KCNMB2: variants seen among roughly 807,000 people sequenced by gnomAD.
The protein encoded by KCNMB2 is potassium calcium-activated channel subfamily M regulatory beta subunit 2, also known as calcium-activated potassium channel subunit beta-2.
Under a neutral mutation model 24.5 loss-of-function variants are expected in KCNMB2, and 9 were observed. The observed-to-expected ratio is 0.37, with a 90% CI of 0.22 to 0.64. The LOEUF is 0.64. Among genes scored for constraint, KCNMB2 ranks in the 30% least tolerant of loss-of-function variants. The probability of loss-of-function intolerance (pLI) is 0.63; values close to 1 mark genes in which losing one functional copy is unlikely to be tolerated. For missense variants in KCNMB2, 226 were observed against 284.3 expected (o/e 0.79, Z 1.47); for synonymous variants, 109 against 104.4 (o/e 1.04, Z -0.27).
intron 1 of KCNMB2, among the ~76,000 whole-genome samples, chr3:178,650,262 A>G (rs1286893868): frequency 6.6e-6 from 1 of 152,134 alleles, no homozygotes; most frequent in Non-Finnish European, 1.5e-5. Flanking sequence ...TTTGCTCCCA[A>G]TTATGTGGTC....
intron 1 of KCNMB2, among the ~76,000 whole-genome samples, chr3:178,735,871 T>C (rs1362646096): frequency 1.3e-5 from 2 of 152,258 alleles, no homozygotes; most frequent in East Asian, 1.9e-4. Context: ...TTGATGACAA[T>C]AGCACAGAGG....
intron 1 of KCNMB2, among the ~76,000 whole-genome samples, chr3:178,547,834 T>C (rs1421113304): frequency 6.6e-6 from 1 of 152,194 alleles, no homozygotes. Context: ...ATGTTGACAT[T>C]TCCCTGTGGC....
At chr3:178,653,962 T>A (rs73181184) in intron 1 of KCNMB2, among the ~76,000 whole-genome samples, 3,923 of 152,196 alleles carry the variant, frequency 0.026, 108 homozygotes, top group Middle Eastern at 0.095. Context: ...AACTCTTTCA[T>A]AAGATGAAAA....
At chr3:178,619,957 A>G (rs1718850060) in intron 1 of KCNMB2, among the ~76,000 whole-genome samples, 1 of 152,206 alleles carries the variant, frequency 6.6e-6, no homozygotes, top group Admixed American at 6.5e-5. Flanking sequence ...GACAAAAAGG[A>G]ACAATGATTA....
chr3:178,788,374 T>C (rs1188281806), intron 1 of KCNMB2, among the ~76,000 whole-genome samples: 2 of 152,158 alleles, frequency 1.3e-5, no homozygotes, highest in African/African-American at 2.4e-5. Flanking sequence ...CATGTAAAAA[T>C]GTGTTTTCCA....
intron 1 of KCNMB2, among the ~76,000 whole-genome samples, chr3:178,633,732 T>A (rs60974559): frequency 0.079 from 12,063 of 152,340 alleles, 568 homozygotes; most frequent in Middle Eastern, 0.21. Context: ...AGCATTTGGC[T>A]CCTTGTTACT....
intron 1 of KCNMB2, among the ~76,000 whole-genome samples, chr3:178,621,114 G>A (rs567402878): frequency 1.3e-5 from 2 of 152,150 alleles, no homozygotes; most frequent in Non-Finnish European, 2.9e-5. Flanking sequence ...GAAGACGCAA[G>A]AGAGTACAAA....
Position 178,578,828 on chromosome 3 carries a change from C to A in KCNMB2, c.-68+42117C>A, listed in dbSNP as rs190720894. On this transcript the variant is annotated intron_variant, in intron 1 of 4. Coordinates refer to ENST00000452583, the MANE Select transcript of KCNMB2 (RefSeq NM_181361.3). ...CAATGTAATGAGAAGAGCTAACTAT[C>A]CTAAATATATATGCACCCAATACAG... Among the ~76,000 whole-genome samples, 606 of 152,280 alleles carry A rather than the reference C, an allele frequency of 4.0e-3. 1 individual carries two copies. The highest frequency in any genetic ancestry group is 0.014 in the African/African-American group (565 of 41,560).
intron 1 of KCNMB2, among the ~76,000 whole-genome samples, chr3:178,546,251 G>A (rs1253053852): frequency 6.6e-6 from 1 of 152,112 alleles, no homozygotes; most frequent in African/African-American, 2.4e-5. Context: ...AGTCTTCTAG[G>A]TCTATTTCCC....
At chr3:178,691,105 G>GTATTTTTTTTTTTTTTTTTTTTTTTTTT (rs1310077931) in intron 1 of KCNMB2, among the ~76,000 whole-genome samples, 1 of 32,958 alleles carries the variant, frequency 3.0e-5, no homozygotes. Context: ...TCCCCATTAA[G>GTATTTTTTTTTTTTTTTTTTTTTTTTTT]TCTTTTTTTT....
At chr3:178,607,763 C>T (rs1718327964) in intron 1 of KCNMB2, among the ~76,000 whole-genome samples, 1 of 152,082 alleles carries the variant, frequency 6.6e-6, no homozygotes, top group African/African-American at 2.4e-5. Context: ...GGGTCAGCTA[C>T]TGAGTATCTA....
chr3:178,564,849 GAT>G (rs1716461144), intron 1 of KCNMB2, among the ~76,000 whole-genome samples: 1 of 152,090 alleles, frequency 6.6e-6, no homozygotes, highest in Non-Finnish European at 1.5e-5. Context: ...TGTGTGCAAA[GAT>G]ATTATGTGCA....
intron 1 of KCNMB2, among the ~76,000 whole-genome samples, chr3:178,786,903 T>C (rs1713124557): frequency 6.6e-6 from 1 of 151,862 alleles, no homozygotes; most frequent in African/African-American, 2.4e-5. Flanking sequence ...AGACAGATTA[T>C]AAGTCAAATA....
intron 4 of KCNMB2, among the ~76,000 whole-genome samples, chr3:178,829,395 G>C (rs1577220974): frequency 6.6e-6 from 1 of 152,076 alleles, no homozygotes; most frequent in African/African-American, 2.4e-5. Flanking sequence ...AGAGTGAATG[G>C]GATTTGTTTC....
chr3:178,776,340 T>C (rs1034418774), intron 1 of KCNMB2, among the ~76,000 whole-genome samples: 1 of 152,186 alleles, frequency 6.6e-6, no homozygotes, highest in Non-Finnish European at 1.5e-5. Flanking sequence ...CCTGACCCTA[T>C]ATCTTCTAAA....
chr3:178,604,132 C>G (rs1040835667), intron 1 of KCNMB2, among the ~76,000 whole-genome samples: 4 of 152,124 alleles, frequency 2.6e-5, no homozygotes, highest in Non-Finnish European at 5.9e-5. Context: ...CACCTCCCCC[C>G]AGTACTCTCA....
intron 1 of KCNMB2, among the ~76,000 whole-genome samples, chr3:178,553,534 T>A (rs975662229): frequency 1.4e-4 from 21 of 149,482 alleles, no homozygotes; most frequent in Non-Finnish European, 2.9e-4. Context: ...TTCAGAGAGA[T>A]TCCTTTTTTT....
chr3:178,552,231 C>T (rs1715980161), intron 1 of KCNMB2, among the ~76,000 whole-genome samples: 2 of 152,184 alleles, frequency 1.3e-5, no homozygotes, highest in South Asian at 2.1e-4. Flanking sequence ...TGTAACAGCA[C>T]TCCCACCACA....
intron 1 of KCNMB2, among the ~76,000 whole-genome samples, chr3:178,691,617 A>G (rs962408579): frequency 1.3e-5 from 2 of 152,208 alleles, no homozygotes; most frequent in African/African-American, 4.8e-5. Context: ...ATAGTATTCC[A>G]TAGTGTGTAT....
Sources: allele counts gnomAD v4.1 joint callset (sites outside exome capture counted in the v4.1 genomes callset), GRCh38; gene constraint gnomAD v4.1.1; transcripts MANE v1.5; gene names NCBI Gene and HGNC (gene_info 2026-07-23, HGNC 2026-07-21).